The following PFDN1 variants were observed in gnomAD, a reference collection of about 807,000 sequenced individuals.
PFDN1 encodes prefoldin subunit 1.
PFDN1 carries 6 observed loss-of-function variants against 17.3 expected under a neutral mutation model. That is an observed-to-expected ratio of 0.35 (90% confidence interval 0.19 to 0.69). The LOEUF is 0.69. PFDN1 is among the 30% of genes least tolerant of loss of function. PFDN1 has a pLI of 0.65. For missense variants in PFDN1, 113 were observed against 146.2 expected, an observed-to-expected ratio of 0.77 and a Z score of 1.17; for synonymous variants, 58 against 50.1, an observed-to-expected ratio of 1.16 and a Z score of -0.67.
chr5:140,274,703 A>C (rs1161333502), intron 3 of PFDN1, among the ~76,000 whole-genome samples: 2 of 152,198 alleles, frequency 1.3e-5, no homozygotes, highest in East Asian at 3.8e-4. Context: ...ACAGTCTAAC[A>C]TAGGGGTATT....
At chr5:140,262,207 C>G (rs887597316) in intron 3 of PFDN1, among the ~76,000 whole-genome samples, 8 of 152,138 alleles carry the variant, frequency 5.3e-5, no homozygotes, top group African/African-American at 1.9e-4. Flanking sequence ...TTACTCAGAG[C>G]TGGTATTCGG....
At chr5:140,281,286 C>CTATGAA (rs1433861479) in intron 3 of PFDN1, 163 bp downstream of exon 3, 3 of 543,820 alleles carry the variant, frequency 5.5e-6, no homozygotes, top group East Asian at 3.1e-5. Flanking sequence ...CTTATATGCG[C>CTATGAA]TATGAATATG....
At chr5:140,289,712 T>A (rs1477485135) in intron 2 of PFDN1, among the ~76,000 whole-genome samples, 1 of 152,170 alleles carries the variant, frequency 6.6e-6, no homozygotes. Context: ...TACTTGTATG[T>A]TCCATATCAC....
intron 3 of PFDN1, among the ~76,000 whole-genome samples, chr5:140,263,788 G>A (rs1201377416): frequency 6.6e-6 from 1 of 151,896 alleles, no homozygotes; most frequent in Non-Finnish European, 1.5e-5. Context: ...TTGGGAGGCT[G>A]AGGTGGGCAG....
intron 3 of PFDN1, chr5:140,265,796 A>G (rs1341613847): frequency 1.3e-5 from 2 of 152,238 alleles, no homozygotes; most frequent in Non-Finnish European, 2.9e-5. Context: ...AATGAATAGC[A>G]TTGGGACTTA....
rs753205604 is a variant in PFDN1, at chr5:140,300,520, T to C, written c.96A>G (p.Ile32Met). ...TCGTTCTGTTTAGCTGTTCAATCTG[T>C]ATGTCTGCGAGCTTCACCTTCTGTT... ...DTQQKVKLAD[I>M]QIEQLNRTKK... The change falls in exon 2 of 4, where the codon ATA becomes ATG. Residue 32 changes from isoleucine (I) to methionine (M), a missense_variant. Coordinates refer to ENST00000261813, the MANE Select transcript of PFDN1 (RefSeq NM_002622.5). 7 of 1,613,198 alleles carry C rather than the reference T, an allele frequency of 4.3e-6. No individual in the cohort carries two copies. The highest frequency in any genetic ancestry group is 5.9e-6 in the Non-Finnish European group (7 of 1,179,374).
intron 3 of PFDN1, among the ~76,000 whole-genome samples, chr5:140,259,433 A>G (rs1009959096): frequency 6.6e-6 from 1 of 152,210 alleles, no homozygotes; most frequent in African/African-American, 2.4e-5. Context: ...CCCAATATAC[A>G]TTACTTTTCT....
chr5:140,296,133 A>G (rs1451409814), intron 2 of PFDN1, among the ~76,000 whole-genome samples: 3 of 152,192 alleles, frequency 2.0e-5, no homozygotes, highest in Admixed American at 1.3e-4. Flanking sequence ...TTTTGACCTT[A>G]GTCAAAATAT....
chr5:140,258,350 C>G (rs1765016977), intron 3 of PFDN1, among the ~76,000 whole-genome samples: 1 of 151,316 alleles, frequency 6.6e-6, no homozygotes, highest in African/African-American at 2.4e-5. Context: ...GCAGCCAAAA[C>G]CCCCCTGAGC....
chr5:140,258,198 A>G (rs1211210834), intron 3 of PFDN1, among the ~76,000 whole-genome samples: 1 of 152,166 alleles, frequency 6.6e-6, no homozygotes, highest in Non-Finnish European at 1.5e-5. Flanking sequence ...TCAAATTTCC[A>G]TTAAAAACAA....
At chr5:140,271,464 A>C (rs1765204712) in intron 3 of PFDN1, among the ~76,000 whole-genome samples, 1 of 152,224 alleles carries the variant, frequency 6.6e-6, no homozygotes, top group Non-Finnish European at 1.5e-5. Flanking sequence ...TTAATTTTAC[A>C]TCTTGCATTG....
chr5:140,290,462 C>T (rs1447371315), intron 2 of PFDN1, among the ~76,000 whole-genome samples: 2 of 152,114 alleles, frequency 1.3e-5, no homozygotes, highest in African/African-American at 2.4e-5. Context: ...CGAAATAAGT[C>T]GAAATGAAGC....
At chr5:140,302,414 T>G (rs908538702) in intron 1 of PFDN1, among the ~76,000 whole-genome samples, 1 of 152,190 alleles carries the variant, frequency 6.6e-6, no homozygotes, top group African/African-American at 2.4e-5. Flanking sequence ...GATACCGGTT[T>G]TATTTGGAAA....
chr5:140,260,114 G>A (rs1372473264), intron 3 of PFDN1, among the ~76,000 whole-genome samples: 1 of 152,070 alleles, frequency 6.6e-6, no homozygotes, highest in African/African-American at 2.4e-5. Flanking sequence ...AACATGGGAG[G>A]ATCATTTGAG....
At chr5:140,284,209 G>A (rs1765452448) in intron 2 of PFDN1, among the ~76,000 whole-genome samples, 1 of 152,204 alleles carries the variant, frequency 6.6e-6, no homozygotes, top group Non-Finnish European at 1.5e-5. Flanking sequence ...TCAAAGGCCA[G>A]AGAGATTCCA....
intron 2 of PFDN1, among the ~76,000 whole-genome samples, chr5:140,297,727 T>C (rs1765675112): frequency 6.6e-6 from 1 of 152,222 alleles, no homozygotes; most frequent in African/African-American, 2.4e-5. Context: ...GGAAAACAAC[T>C]TATCTGTAGC....
chr5:140,300,360 T>C, intron 2 of PFDN1, 56 bp downstream of exon 2: 2 of 1,317,742 alleles, frequency 1.5e-6, no homozygotes, highest in Non-Finnish European at 2.1e-6. Context: ...CAAATTCTAT[T>C]TAACTCGGAC....
At position 140,303,087 on chromosome 5, in the gene PFDN1, A is replaced by G. The variant is rs372190823; in HGVS notation, c.-14T>C. ...GGGGGCGGCCATCTTGGTGCACTGT[A>G]AGCGCCTGCGCAGTGGGAGTTGGAC... On this transcript the variant is annotated 5_prime_UTR_variant, in exon 1 of 4. Coordinates refer to ENST00000261813, the MANE Select transcript of PFDN1 (RefSeq NM_002622.5). 2.2e-5 allele frequency: 35 copies of G among 1,609,372 alleles called. No homozygotes were observed. Among genetic ancestry groups the G allele is most frequent in the African/African-American group, 9.4e-5 (7 of 74,842 alleles).
intron 3 of PFDN1, among the ~76,000 whole-genome samples, chr5:140,250,192 A>G (rs566839808): frequency 6.6e-6 from 1 of 152,086 alleles, no homozygotes; most frequent in African/African-American, 2.4e-5. Context: ...GTACTTTTCA[A>G]CTTCCAAGAA....
Sources: allele counts gnomAD v4.1 joint callset (sites outside exome capture counted in the v4.1 genomes callset), GRCh38; gene constraint gnomAD v4.1.1; transcripts MANE v1.5; gene names NCBI Gene and HGNC (gene_info 2026-07-23, HGNC 2026-07-21).